PPEF1: variants seen among roughly 807,000 people sequenced by gnomAD.
The protein encoded by PPEF1 is serine/threonine-protein phosphatase with EF-hands 1.
PPEF1 carries 12 observed loss-of-function variants against 53.3 expected under a neutral mutation model. The ratio of observed to expected loss-of-function variants is 0.23; its 90% CI spans 0.14 to 0.36. PPEF1 has a LOEUF of 0.36. PPEF1 is among the 10% of genes least tolerant of loss of function. The pLI, the probability that PPEF1 is intolerant of heterozygous loss-of-function variation, is 1.00. For synonymous variants in PPEF1, 165 were observed against 176.7 expected, an observed-to-expected ratio of 0.93 and a Z score of 0.52; for missense variants, 334 against 490.4, an observed-to-expected ratio of 0.68 and a Z score of 3.01.
chrX:18,813,649 A>G (rs12009353), intron 12 of PPEF1, among the ~76,000 whole-genome samples: 3,651 of 111,114 alleles, frequency 0.033, 158 homozygotes, highest in African/African-American at 0.11. Context: ...ATCTTAAGGG[A>G]ATGCATTCAC....
intron 6 of PPEF1, among the ~76,000 whole-genome samples, chrX:18,773,252 A>G (rs1286736982): frequency 8.9e-6 from 1 of 112,233 alleles, no homozygotes; most frequent in Non-Finnish European, 1.9e-5. Context: ...TCTTTTATTG[A>G]CTATAAGTTC....
At chrX:18,689,508 TAAAAATA>T (rs765918879) in intron 3 of PPEF1, among the ~76,000 whole-genome samples, 177 of 105,164 alleles carry the variant, frequency 1.7e-3, no homozygotes, top group Non-Finnish European at 2.9e-3. Context: ...CTCAAACAAA[TAAAAATA>T]AATAAATAAA....
At chrX:18,737,558 T>G (rs1316896513) in intron 3 of PPEF1, among the ~76,000 whole-genome samples, 2 of 112,001 alleles carry the variant, frequency 1.8e-5, no homozygotes, top group Non-Finnish European at 3.8e-5. Context: ...GTGGTCAGTT[T>G]TGGAATAAGT....
At chrX:18,742,814 A>C (rs34642139) in intron 3 of PPEF1, among the ~76,000 whole-genome samples, 46,933 of 107,302 alleles carry the variant, frequency 0.44, 8,466 homozygotes, top group Non-Finnish European at 0.56. Flanking sequence ...GTGCTACTGC[A>C]CTCCAGCCTG....
At chrX:18,699,217 G>A (rs1207932730) in intron 5 of PPEF1, among the ~76,000 whole-genome samples, 2 of 111,233 alleles carry the variant, frequency 1.8e-5, no homozygotes, top group Non-Finnish European at 1.9e-5. Flanking sequence ...GCCCTCTGGT[G>A]ATGTTAATAT....
intron 10 of PPEF1, among the ~76,000 whole-genome samples, chrX:18,793,499 C>T (rs2046361028): frequency 9.0e-6 from 1 of 110,753 alleles, no homozygotes; most frequent in Non-Finnish European, 1.9e-5. Context: ...TTTTTGTGGC[C>T]TAGCATATGG....
intron 3 of PPEF1, among the ~76,000 whole-genome samples, chrX:18,743,964 C>G (rs955720988): frequency 9.0e-6 from 1 of 111,108 alleles, no homozygotes; most frequent in African/African-American, 3.3e-5. Context: ...CCTCGGCTCC[C>G]TGCAACCTCC....
intron 9 of PPEF1, among the ~76,000 whole-genome samples, chrX:18,785,249 G>A (rs2046175561): frequency 9.0e-6 from 1 of 111,703 alleles, no homozygotes; most frequent in Non-Finnish European, 1.9e-5. Flanking sequence ...CAAGCCCTTT[G>A]TACATATCTT....
chrX:18,738,780 A>G (rs2045062847), intron 3 of PPEF1, among the ~76,000 whole-genome samples: 1 of 112,241 alleles, frequency 8.9e-6, no homozygotes, highest in Non-Finnish European at 1.9e-5. Context: ...ATGCAGATTT[A>G]GTCTTTTCAC....
At chrX:18,719,340 CT>C (rs1181211988) in intron 1 of PPEF1, among the ~76,000 whole-genome samples, 5,806 of 91,878 alleles carry the variant, frequency 0.063, 377 homozygotes, top group African/African-American at 0.21. Flanking sequence ...TACAACTCAT[CT>C]TTTTTTTTTT....
upstream of PPEF1, among the ~76,000 whole-genome samples, chrX:18,681,309 T>G (rs1449877829): frequency 2.7e-5 from 3 of 112,209 alleles, no homozygotes; most frequent in South Asian, 1.1e-3. Flanking sequence ...TTTACTAATT[T>G]ATTTTGTTGA....
chrX:18,804,496 A>T (rs2046619053), intron 11 of PPEF1, among the ~76,000 whole-genome samples: 1 of 110,509 alleles, frequency 9.0e-6, no homozygotes, highest in South Asian at 3.9e-4. Context: ...TAGTAGAGAC[A>T]GGGTTTCACC....
At chrX:18,742,458 C>T (rs1448054026) in intron 3 of PPEF1, among the ~76,000 whole-genome samples, 1 of 111,940 alleles carries the variant, frequency 8.9e-6, no homozygotes, top group African/African-American at 3.2e-5. Flanking sequence ...AACAACTTAC[C>T]TCTGTTCCAT....
At chrX:18,697,409 C>T (rs1183148121) in intron 4 of PPEF1, among the ~76,000 whole-genome samples, 2 of 110,801 alleles carry the variant, frequency 1.8e-5, no homozygotes, top group Non-Finnish European at 3.8e-5. Context: ...TTCCCCTCTC[C>T]CATTTCACAC....
intron 5 of PPEF1, chrX:18,698,044 A>G (rs1399461923): frequency 8.9e-6 from 1 of 112,053 alleles, no homozygotes; most frequent in East Asian, 2.8e-4. Context: ...ACTTTAGGCC[A>G]CAATTCCTAA....
chrX:18,734,393 C>T (rs2044917385), intron 3 of PPEF1, among the ~76,000 whole-genome samples: 1 of 107,823 alleles, frequency 9.3e-6, no homozygotes, highest in Non-Finnish European at 1.9e-5. Context: ...GTTTTCTGTC[C>T]TTGCGATAGT....
intron 9 of PPEF1, among the ~76,000 whole-genome samples, chrX:18,788,174 G>A (rs1411327704): frequency 5.5e-5 from 6 of 108,769 alleles, no homozygotes; most frequent in Non-Finnish European, 1.1e-4. Flanking sequence ...AAAATTAGCC[G>A]GGCGTGGTGG....
chrX:18,687,685 C>CTTCT (rs1555962750), intron 3 of PPEF1, among the ~76,000 whole-genome samples: 1 of 89,121 alleles, frequency 1.1e-5, no homozygotes, highest in African/African-American at 4.6e-5. Context: ...AAATATTCTT[C>CTTCT]TTTTTTTTTT....
chrX:18,768,277 C>G (rs2045815833), intron 6 of PPEF1, among the ~76,000 whole-genome samples: 1 of 112,481 alleles, frequency 8.9e-6, no homozygotes, highest in South Asian at 3.7e-4. Flanking sequence ...CTAACTGATT[C>G]TCTCCATCAC....
Sources: gnomAD v4.1 joint callset for allele counts (sites outside exome capture counted in the v4.1 genomes callset) on GRCh38, gnomAD v4.1.1 for gene constraint, MANE v1.5 for transcripts, NCBI Gene and HGNC (gene_info 2026-07-23, HGNC 2026-07-21) for gene names.